The following DSTYK variants were observed in gnomAD, a reference collection of about 807,000 sequenced individuals.
DSTYK encodes RIP-homologous kinase.
Under a neutral mutation model 98.7 loss-of-function variants are expected in DSTYK, and 34 were observed. The observed-to-expected ratio is 0.34, with a 90% CI of 0.26 to 0.46. DSTYK has a LOEUF of 0.46. Ranked by LOEUF, DSTYK falls within the 20% of genes least tolerant of loss-of-function variation. The probability of loss-of-function intolerance (pLI) is 1.00; values close to 1 mark genes in which losing one functional copy is unlikely to be tolerated. For missense variants in DSTYK, 962 were observed against 1,181.7 expected, an observed-to-expected ratio of 0.81 and a Z score of 2.73; for synonymous variants, 462 against 457.3, an observed-to-expected ratio of 1.01 and a Z score of -0.13.
chr1:205,183,103 G>C (rs942731231), intron 2 of DSTYK, among the ~76,000 whole-genome samples: 2 of 146,140 alleles, frequency 1.4e-5, no homozygotes, highest in Non-Finnish European at 3.0e-5. Context: ...CACACACACA[G>C]AGATATATCA....
At chr1:205,209,779 A>G (rs187516380) in intron 1 of DSTYK, among the ~76,000 whole-genome samples, 7 of 152,248 alleles carry the variant, frequency 4.6e-5, no homozygotes, top group Non-Finnish European at 7.3e-5. Context: ...AGTCAGAACA[A>G]TTCATCCAGT....
At chr1:205,194,934 G>GTGATT (rs1384304351) in intron 1 of DSTYK, among the ~76,000 whole-genome samples, 1 of 151,876 alleles carries the variant, frequency 6.6e-6, no homozygotes, top group Non-Finnish European at 1.5e-5. Context: ...CCAGGTTCAA[G>GTGATT]TGATTCTCGT....
chr1:205,199,308 T>C (rs551049613), intron 1 of DSTYK, among the ~76,000 whole-genome samples: 3 of 151,782 alleles, frequency 2.0e-5, no homozygotes, highest in African/African-American at 4.8e-5. Flanking sequence ...GAGAAGAAAA[T>C]AGAAAAACAC....
chr1:205,180,528 G>A (rs539243677), intron 2 of DSTYK, among the ~76,000 whole-genome samples: 8 of 152,034 alleles, frequency 5.3e-5, no homozygotes, highest in African/African-American at 1.7e-4. Context: ...GCAATGGCGC[G>A]GTCTCAGCTT....
chr1:205,161,456 G>C (rs1657717191), intron 6 of DSTYK, 69 bp from the exon 7 acceptor site: 2 of 1,484,144 alleles, frequency 1.3e-6, no homozygotes, highest in Non-Finnish European at 1.9e-6. Context: ...CTGTTATACA[G>C]GGATAATAAT....
chr1:205,163,954 G>C lies in DSTYK; in HGVS notation c.1326C>G (p.Asp442Glu), dbSNP rs372309264. 9 of 1,613,244 alleles carry C rather than the reference G, an allele frequency of 5.6e-6. No individual in the cohort carries two copies. In the Admixed American group the frequency reaches 8.3e-5, roughly 15 times the overall value. ...LDDATNMEFK[D>E]VIVPENGEPV... ...GTTCTCCATTCTCAGGGACAATGACGTCTATGGAGGCAGAGAAATAAGCTG... is the reference window on the plus strand; with the variant it reads ...GTTCTCCATTCTCAGGGACAATGACCTCTATGGAGGCAGAGAAATAAGCTG... Residue 442 changes from aspartate to glutamate, a missense_variant and splice_region_variant, in exon 4 of 13, where the codon GAC becomes GAG. By Grantham distance (45) the Asp-to-Glu change is conservative (BLOSUM62 2). Transcript: ENST00000367162.
rs142787461 is a variant in DSTYK, at chr1:205,169,488, C to T, written c.999G>A (p.Leu333=). Residue 333 remains leucine (L), a synonymous_variant, in exon 3 of 13, where the codon TTG becomes TTA. Coordinates refer to ENST00000367162, the MANE Select transcript of DSTYK (RefSeq NM_015375.3). The surrounding 1 kb of genome is among the most constrained non-coding windows in gnomAD (Gnocchi z 4.0). ...PGQDTKAQSM[L]VEQSEKLRHL... ...GTCTCAGCTTTTCACTCTGTTCCAC[C>T]AACATGCTCTGAGCTTTAGTATCCT... 1.9e-6 allele frequency: 3 copies of T among 1,613,946 alleles called. No homozygotes were observed. Among genetic ancestry groups the T allele is most frequent in the Non-Finnish European group, 2.5e-6 (3 of 1,180,038 alleles).
chr1:205,165,881 G>C (rs945186547), intron 3 of DSTYK, among the ~76,000 whole-genome samples: 1 of 151,986 alleles, frequency 6.6e-6, no homozygotes, highest in Non-Finnish European at 1.5e-5. Context: ...TTAGACCCAG[G>C]TGTGATGGTG....
rs1659373072 is a variant in DSTYK at position 205,211,358 on chromosome 1, T to C, written c.178A>G (p.Asn60Asp). 4.3e-6 allele frequency: 7 copies of C among 1,612,600 alleles called. No homozygotes were observed. The highest frequency in any genetic ancestry group is 5.1e-6 in the Non-Finnish European group (6 of 1,179,470). Reference protein sequence around the residue: ...KFFRDIKCSHNHTCLSSLTGG... With the variant: ...KFFRDIKCSHDHTCLSSLTGG... The stretch of plus-strand genomic sequence containing the variant: ...GTGAGGGAGGAGAGACAAGTGTGGT[T>C]GTGGGAGCACTTGATGTCGCGGAAG... The change falls in exon 1 of 13, where the codon AAC becomes GAC. Residue 60 changes from asparagine (N) to aspartate (D), a missense_variant. Asn to Asp is a conservative substitution (Grantham distance 23). Coordinates refer to ENST00000367162, the MANE Select transcript of DSTYK (RefSeq NM_015375.3).
chr1:205,202,269 A>T, intron 1 of DSTYK: 1 of 626,838 alleles, frequency 1.6e-6, no homozygotes. Context: ...TGTTCACTTT[A>T]AGAATACTCA....
At position 205,169,347 on chromosome 1, in the gene DSTYK, C is replaced by A. The variant is rs767293836; in HGVS notation, c.1140G>T (p.Met380Ile). Residue 380 changes from methionine (M) to isoleucine (I), a missense_variant, in exon 3 of 13, where the codon ATG becomes ATT. Physicochemically the swap from Met to Ile is conservative, Grantham distance 10. This residue lies in a region of DSTYK where 660 missense variants were observed against 855.0 expected (regional missense o/e 0.77). Coordinates refer to ENST00000367162, the MANE Select transcript of DSTYK (RefSeq NM_015375.3). The surrounding 1 kb of genome is among the most constrained non-coding windows in gnomAD (Gnocchi z 4.0). ...TGGGAGTGATCTGCAGGTCCCGCTG[C>A]ATGTCAAATGCCTGGTTAATAAAGA... ...LDIFINQAFD[M>I]QRDLQITPKR... 1.2e-6 allele frequency: 2 copies of A among 1,614,172 alleles called. No individual in the cohort carries two copies. Among genetic ancestry groups the A allele is most frequent in the Admixed American group, 3.3e-5 (2 of 60,006 alleles).
chr1:205,169,019 G>A lies in DSTYK; in HGVS notation c.1324+144C>T. 1 of 684,904 alleles carries A rather than the reference G, an allele frequency of 1.5e-6. No homozygotes were observed. Among genetic ancestry groups the A allele is most frequent in the Non-Finnish European group, 2.4e-6 (1 of 409,254 alleles). 42.4% of individuals were successfully genotyped at this position (684,904 alleles called of 1,614,324 possible). ...CAAGAGAGGCCACCTTGGCTAAATA[G>A]TGGGCTCCTGCTGGTAACAGTGGGG... On this transcript the variant is annotated intron_variant, in intron 3 of 12. Coordinates refer to ENST00000367162, the MANE Select transcript of DSTYK (RefSeq NM_015375.3). The surrounding 1 kb of genome is among the most constrained non-coding windows in gnomAD (Gnocchi z 4.0).
chr1:205,194,995 T>TC (rs997889110), intron 1 of DSTYK, among the ~76,000 whole-genome samples: 7 of 151,364 alleles, frequency 4.6e-5, no homozygotes, highest in African/African-American at 1.7e-4. Context: ...ACTAATTTTT[T>TC]TTTTTTTTTT....
chr1:205,203,320 CAA>C (rs1424694560), intron 1 of DSTYK, among the ~76,000 whole-genome samples: 1 of 132,890 alleles, frequency 7.5e-6, no homozygotes. Context: ...CCGTCTCTAC[CAA>C]AAAAAAAAAA....
chr1:205,197,866 G>A (rs777009843), intron 1 of DSTYK, among the ~76,000 whole-genome samples: 16 of 152,188 alleles, frequency 1.1e-4, no homozygotes, highest in Non-Finnish European at 2.2e-4. Flanking sequence ...ACAGTCTGAT[G>A]AAAGTTACCT....
chr1:205,163,635 A>T, intron 4 of DSTYK, 88 bp downstream of exon 4: 1 of 1,087,338 alleles, frequency 9.2e-7, no homozygotes, highest in East Asian at 2.6e-5. Flanking sequence ...CTGAAAGGGA[A>T]ATTCTTGCCT....
chr1:205,188,610 T>G (rs950600739), intron 1 of DSTYK, among the ~76,000 whole-genome samples: 3 of 152,246 alleles, frequency 2.0e-5, no homozygotes, highest in African/African-American at 7.2e-5. Flanking sequence ...TATGGAGCCC[T>G]TTTAAATTAT....
chr1:205,159,578 C>A lies in DSTYK; in HGVS notation c.2207G>T (p.Arg736Leu). ...CCCTGTGTAGAGATCCCGGTGTAGC[C>A]GCTCCATAATGAGGAGCACAGCAAT... ...SSIAVLLIME[R>L]LHRDLYTGLK... The change falls in exon 9 of 13, where the codon CGG (arginine) becomes CTG (leucine). Residue 736 changes from arginine to leucine, a missense_variant. Physicochemically the swap from Arg to Leu is moderately radical, Grantham distance 102 (BLOSUM62 -2). This residue lies in a region of DSTYK where 660 missense variants were observed against 855.0 expected (regional missense o/e 0.77). Coordinates refer to ENST00000367162, the MANE Select transcript of DSTYK (RefSeq NM_015375.3). 1 of 1,587,102 alleles carries A rather than the reference C, an allele frequency of 6.3e-7. No individual in the cohort carries two copies. Among genetic ancestry groups the A allele is most frequent in the Non-Finnish European group, 8.6e-7 (1 of 1,165,978 alleles).
chr1:205,174,733 T>A (rs1029954256), intron 2 of DSTYK, among the ~76,000 whole-genome samples: 1 of 95,562 alleles, frequency 1.0e-5, no homozygotes, highest in African/African-American at 3.3e-5. Context: ...TCAGGCTTTA[T>A]TTTTAATTTT....
Sources: gnomAD v4.1 joint callset for allele counts (sites outside exome capture counted in the v4.1 genomes callset) on GRCh38, gnomAD v4.1.1 for gene constraint, gnomAD v4.1.1 regional missense constraint, Gnocchi (gnomAD v3.1) non-coding constraint, MANE v1.5 for transcripts, NCBI Gene and HGNC (gene_info 2026-07-23, HGNC 2026-07-21) for gene names.